Variants in ANXA8 observed in about 807,000 individuals in gnomAD.
ANXA8 encodes VAC-beta.
Under a neutral mutation model 26.8 loss-of-function variants are expected in ANXA8, and 9 were observed. That is an observed-to-expected ratio of 0.34 (90% CI 0.20 to 0.59). The LOEUF is 0.59. Ranked by LOEUF, ANXA8 falls within the 20% of genes least tolerant of loss-of-function variation. The pLI is 0.84. For synonymous variants in ANXA8, 39 were observed against 94.8 expected (o/e 0.41, Z 3.42); for missense variants, 83 against 238.5 (o/e 0.35, Z 4.29).
At chr10:47,646,151 T>C in the ANXA8 span, among the ~76,000 whole-genome samples, 1 of 148,174 alleles carries the variant, frequency 6.7e-6, no homozygotes, top group Admixed American at 6.7e-5. Flanking sequence ...TATCTCTACC[T>C]CTATGTCTAC....
chr10:47,680,431 T>G, the ANXA8 span, among the ~76,000 whole-genome samples: 2 of 151,776 alleles, frequency 1.3e-5, no homozygotes, highest in East Asian at 3.8e-4. Flanking sequence ...GGTCAGGAGT[T>G]CAAGACTAGC....
At chr10:47,481,642 G>C (rs1839808762) in intron 1 of ANXA8, among the ~76,000 whole-genome samples, 4 of 151,900 alleles carry the variant, frequency 2.6e-5, no homozygotes. Context: ...GCAGGGGTGC[G>C]GTAGGTCTCA....
chr10:47,652,374 A>G, the ANXA8 span, among the ~76,000 whole-genome samples: 1 of 150,498 alleles, frequency 6.6e-6, no homozygotes, highest in African/African-American at 2.5e-5. Flanking sequence ...AGGCGAGTGG[A>G]TCACTTGAGG....
At chr10:47,945,158 A>G in the ANXA8 span, among the ~76,000 whole-genome samples, 1 of 149,832 alleles carries the variant, frequency 6.7e-6, no homozygotes, top group Non-Finnish European at 1.5e-5. Flanking sequence ...TCCTGGGCAT[A>G]GCCATGCCCT....
chr10:47,960,698 T>A, the ANXA8 span, among the ~76,000 whole-genome samples: 1 of 148,424 alleles, frequency 6.7e-6, no homozygotes, highest in African/African-American at 2.6e-5. Context: ...GATTCAATAA[T>A]TGAACATTGT....
chr10:47,595,963 T>G, the ANXA8 span, among the ~76,000 whole-genome samples: 1 of 148,716 alleles, frequency 6.7e-6, no homozygotes, highest in Non-Finnish European at 1.5e-5. Context: ...TATATATATT[T>G]TTTTCTCATC....
the ANXA8 span, among the ~76,000 whole-genome samples, chr10:47,560,486 T>A: frequency 6.6e-6 from 1 of 151,714 alleles, no homozygotes; most frequent in African/African-American, 2.4e-5. Context: ...AGTCATTTGT[T>A]CAAACTCCTG....
the ANXA8 span, among the ~76,000 whole-genome samples, chr10:47,540,345 C>G: frequency 1.0e-5 from 1 of 95,640 alleles, no homozygotes; most frequent in Non-Finnish European, 2.0e-5. Flanking sequence ...ATCTGATAAA[C>G]ACCGGAAGAG....
chr10:47,905,965 C>CA, the ANXA8 span, among the ~76,000 whole-genome samples: 1 of 104,176 alleles, frequency 9.6e-6, no homozygotes, highest in African/African-American at 4.5e-5. Flanking sequence ...TCAAGCTCCC[C>CA]AGGACATAAA....
At chr10:47,664,357 G>T in the ANXA8 span, among the ~76,000 whole-genome samples, 1 of 151,176 alleles carries the variant, frequency 6.6e-6, no homozygotes, top group African/African-American at 2.4e-5. Context: ...CAGCCTGGGT[G>T]ACAAGAGTGA....
At chr10:47,682,872 G>A in the ANXA8 span, among the ~76,000 whole-genome samples, 2 of 152,202 alleles carry the variant, frequency 1.3e-5, no homozygotes, top group Non-Finnish European at 2.9e-5. Flanking sequence ...GAACAAGAGT[G>A]AAAGGGAGAA....
chr10:47,672,125 G>A, the ANXA8 span, among the ~76,000 whole-genome samples: 1 of 150,298 alleles, frequency 6.7e-6, no homozygotes. Context: ...AATTTTTAGT[G>A]TTATGCTGTT....
the ANXA8 span, chr10:47,568,045 G>C: frequency 1.4e-6 from 1 of 724,642 alleles, no homozygotes; most frequent in South Asian, 1.4e-5. Flanking sequence ...TTTTGTTTTT[G>C]CTTTTTTGAC....
At chr10:47,748,261 TA>T in the ANXA8 span, among the ~76,000 whole-genome samples, 1 of 142,718 alleles carries the variant, frequency 7.0e-6, no homozygotes, top group Non-Finnish European at 1.5e-5. Flanking sequence ...CAGGCTGGAG[TA>T]CGGTGGCGCG....
the ANXA8 span, among the ~76,000 whole-genome samples, chr10:47,607,787 A>G: frequency 9.2e-6 from 1 of 108,768 alleles, no homozygotes; most frequent in African/African-American, 4.3e-5. Context: ...CTAAAAGACA[A>G]TAATATGCAT....
chr10:47,497,809 G>A, the ANXA8 span, among the ~76,000 whole-genome samples: 6 of 150,930 alleles, frequency 4.0e-5, no homozygotes, highest in Non-Finnish European at 5.9e-5. Flanking sequence ...ATGGTGGCAT[G>A]TGCCTGTAAG....
the ANXA8 span, among the ~76,000 whole-genome samples, chr10:47,582,483 A>T: frequency 7.1e-6 from 1 of 140,454 alleles, no homozygotes; most frequent in Admixed American, 6.8e-5. Flanking sequence ...GAGGCCAAGG[A>T]TGTGGCTGGA....
chr10:47,652,970 T>TAAAGCTAAATCCA, the ANXA8 span, among the ~76,000 whole-genome samples: 1 of 151,368 alleles, frequency 6.6e-6, no homozygotes, highest in Non-Finnish European at 1.5e-5. Context: ...AGCTTTCTCC[T>TAAAGCTAAATCCA]GGAGACTGGA....
the ANXA8 span, among the ~76,000 whole-genome samples, chr10:47,747,224 A>G: frequency 1.3e-5 from 2 of 152,190 alleles, no homozygotes; most frequent in Admixed American, 6.5e-5. Context: ...CTTCAGCTGG[A>G]GAGACAAGAA....
Sources: allele counts gnomAD v4.1 joint callset (sites outside exome capture counted in the v4.1 genomes callset), GRCh38; gene constraint gnomAD v4.1.1; transcripts MANE v1.5; gene names NCBI Gene and HGNC (gene_info 2026-07-23, HGNC 2026-07-21).